Variants in KDM4C observed in about 807,000 individuals in gnomAD.
The protein encoded by KDM4C is lysine-specific demethylase 4C.
In KDM4C, 81 loss-of-function variants were observed where a neutral mutation model predicts 129.3. The observed-to-expected ratio is 0.63, with a 90% CI of 0.52 to 0.75. KDM4C has a LOEUF of 0.75. Among genes scored for constraint, KDM4C ranks in the 30% least tolerant of loss-of-function variants. The pLI is 0.00. For synonymous variants in KDM4C, 573 were observed against 456.1 expected (o/e 1.26, Z -3.26); for missense variants, 1,457 against 1,304.0 (o/e 1.12, Z -1.81).
intron 12 of KDM4C, among the ~76,000 whole-genome samples, chr9:6,994,173 C>G (rs1819272176): frequency 6.6e-6 from 1 of 151,996 alleles, no homozygotes; most frequent in Admixed American, 6.6e-5. Flanking sequence ...AGTATAATGC[C>G]ACTGCTGATC....
At chr9:6,769,386 C>A (rs372763238) in intron 1 of KDM4C, among the ~76,000 whole-genome samples, 157 of 151,906 alleles carry the variant, frequency 1.0e-3, no homozygotes, top group African/African-American at 3.7e-3. Flanking sequence ...GAGAGCCTAG[C>A]AAAGAGGTCA....
chr9:6,833,409 C>G (rs1224912120), intron 4 of KDM4C, among the ~76,000 whole-genome samples: 1 of 152,046 alleles, frequency 6.6e-6, no homozygotes, highest in African/African-American at 2.4e-5. Flanking sequence ...GGAAGTTTCT[C>G]CCTCCCTGAT....
At chr9:6,783,472 A>G (rs550208994) in intron 1 of KDM4C, among the ~76,000 whole-genome samples, 7 of 152,322 alleles carry the variant, frequency 4.6e-5, no homozygotes, top group African/African-American at 1.2e-4. Context: ...AGAGAGGCCC[A>G]TGTAGCATTT....
intron 1 of KDM4C, among the ~76,000 whole-genome samples, chr9:6,780,710 G>T (rs1444186860): frequency 7.3e-6 from 1 of 136,686 alleles, no homozygotes; most frequent in Non-Finnish European, 1.5e-5. Flanking sequence ...AGAGGTTGCA[G>T]TGAGCCGAGA....
intron 1 of KDM4C, among the ~76,000 whole-genome samples, chr9:6,774,012 T>G (rs1404904140): frequency 6.6e-6 from 1 of 152,028 alleles, no homozygotes; most frequent in African/African-American, 2.4e-5. Context: ...CTCAGCCTCT[T>G]GAGTAGCTGG....
At chr9:6,786,587 T>C (rs149606965) in intron 1 of KDM4C, among the ~76,000 whole-genome samples, 72 of 152,320 alleles carry the variant, frequency 4.7e-4, no homozygotes, top group African/African-American at 1.6e-3. Flanking sequence ...TTTTAAGATA[T>C]ACCTATTTTC....
rs183268301 is a variant in KDM4C at position 6,990,190 on chromosome 9, G to A, written c.1678-226G>A. 2.2e-3 allele frequency among the ~76,000 whole-genome samples: 331 copies of A among 152,302 alleles called. 3 individuals carry two copies. The highest frequency in any genetic ancestry group is 7.3e-3 in the African/African-American group (305 of 41,570). On this transcript the variant is annotated intron_variant, in intron 11 of 21. Coordinates refer to ENST00000381309, the MANE Select transcript of KDM4C (RefSeq NM_015061.6). ...CCTACAGCTTGTATTTTAATACAAAGTGGAAGAAGAATTAATTGACCTCTG... is the reference window on the plus strand; with the variant it reads ...CCTACAGCTTGTATTTTAATACAAAATGGAAGAAGAATTAATTGACCTCTG...
At chr9:7,031,781 A>G (rs1826829546) in intron 15 of KDM4C, among the ~76,000 whole-genome samples, 1 of 152,170 alleles carries the variant, frequency 6.6e-6, no homozygotes. Context: ...TCAGTGCTGC[A>G]CGTGGCCATT....
intron 15 of KDM4C, among the ~76,000 whole-genome samples, chr9:7,042,928 C>T (rs1459335453): frequency 6.6e-6 from 1 of 152,016 alleles, no homozygotes; most frequent in African/African-American, 2.4e-5. Flanking sequence ...CATATAGGCA[C>T]AACCAGTAGC....
chr9:7,062,686 CT>C (rs970789815), intron 17 of KDM4C, among the ~76,000 whole-genome samples: 181 of 149,240 alleles, frequency 1.2e-3, no homozygotes, highest in African/African-American at 4.3e-3. Context: ...GCCCAGCCCC[CT>C]TTTTTTTTTC....
chr9:6,876,352 C>CTGACAGTGTATAA (rs1311935885), intron 5 of KDM4C, among the ~76,000 whole-genome samples: 3 of 152,118 alleles, frequency 2.0e-5, no homozygotes, highest in Non-Finnish European at 2.9e-5. Context: ...TAGATGAGGT[C>CTGACAGTGTATAA]TGACAGTGTA....
intron 5 of KDM4C, among the ~76,000 whole-genome samples, chr9:6,874,203 G>C (rs1470976343): frequency 6.6e-6 from 1 of 152,154 alleles, no homozygotes; most frequent in Non-Finnish European, 1.5e-5. Context: ...CCACAGATAG[G>C]CTTGGTTAGC....
intron 2 of KDM4C, among the ~76,000 whole-genome samples, chr9:6,803,435 T>G (rs192984723): frequency 1.3e-5 from 2 of 151,872 alleles, no homozygotes; most frequent in East Asian, 3.9e-4. Flanking sequence ...CCGGGCATGG[T>G]GGTGCGCACC....
chr9:7,139,867 A>G (rs1841567909), intron 19 of KDM4C, among the ~76,000 whole-genome samples: 2 of 152,232 alleles, frequency 1.3e-5, no homozygotes, highest in Admixed American at 1.3e-4. Flanking sequence ...ACTCAGGGGC[A>G]TAAGGCAGAA....
intron 6 of KDM4C, among the ~76,000 whole-genome samples, chr9:6,882,549 ATG>A (rs1844616664): frequency 6.6e-6 from 1 of 152,232 alleles, no homozygotes; most frequent in South Asian, 2.1e-4. Flanking sequence ...CGTCCAAAAT[ATG>A]TGATTTAGGA....
At chr9:7,092,033 A>G (rs1282425694) in intron 17 of KDM4C, among the ~76,000 whole-genome samples, 2 of 152,138 alleles carry the variant, frequency 1.3e-5, no homozygotes, top group African/African-American at 2.4e-5. Context: ...TTTTTGTCCC[A>G]TGTGGATCTT....
chr9:7,076,725 G>C, intron 17 of KDM4C: 1 of 1,210,252 alleles, frequency 8.3e-7, no homozygotes. Flanking sequence ...GACTTCCTAT[G>C]TGGGGTAAAA....
intron 17 of KDM4C, among the ~76,000 whole-genome samples, chr9:7,091,404 T>G (rs1217779380): frequency 9.9e-5 from 15 of 152,188 alleles, no homozygotes; most frequent in Non-Finnish European, 1.3e-4. Context: ...TATAGAATTT[T>G]TTTTCACTAA....
At chr9:7,125,741 C>G (rs1322858928) in intron 18 of KDM4C, among the ~76,000 whole-genome samples, 2 of 152,184 alleles carry the variant, frequency 1.3e-5, no homozygotes, top group Non-Finnish European at 2.9e-5. Flanking sequence ...TCCCTGCTTT[C>G]TGTAGGTACA....
Sources: gnomAD v4.1 joint callset for allele counts (sites outside exome capture counted in the v4.1 genomes callset) on GRCh38, gnomAD v4.1.1 for gene constraint, MANE v1.5 for transcripts, NCBI Gene and HGNC (gene_info 2026-07-23, HGNC 2026-07-21) for gene names.